Variants in CAMKMT observed in about 807,000 individuals in gnomAD.
CAMKMT encodes the protein CaM KMT.
In CAMKMT, 53 loss-of-function variants were observed where a neutral mutation model predicts 48.0. The observed-to-expected ratio is 1.10, with a 90% CI of 0.89 to 1.39. The LOEUF (loss-of-function observed/expected upper bound fraction) is 1.39, where lower values mean the gene tolerates loss of function less well. CAMKMT is among the 40% of genes most tolerant of loss of function. The pLI, the probability that CAMKMT is intolerant of heterozygous loss-of-function variation, is 0.00. For missense variants in CAMKMT, 428 were observed against 402.7 expected, an observed-to-expected ratio of 1.06 and a Z score of -0.54; for synonymous variants, 165 against 152.3, an observed-to-expected ratio of 1.08 and a Z score of -0.61.
At chr2:44,438,884 T>C (rs967945641) in intron 3 of CAMKMT, among the ~76,000 whole-genome samples, 3 of 152,166 alleles carry the variant, frequency 2.0e-5, no homozygotes, top group African/African-American at 7.2e-5. Flanking sequence ...TCTCCTCTTA[T>C]CTGCCCCTCC....
chr2:44,594,729 T>A (rs1218622184), intron 3 of CAMKMT, among the ~76,000 whole-genome samples: 1 of 152,128 alleles, frequency 6.6e-6, no homozygotes, highest in African/African-American at 2.4e-5. Context: ...ACCTAGGCAA[T>A]GCCATTCAGG....
chr2:44,419,181 G>A (rs926978682), intron 3 of CAMKMT, among the ~76,000 whole-genome samples: 1 of 152,148 alleles, frequency 6.6e-6, no homozygotes, highest in Non-Finnish European at 1.5e-5. Context: ...AGATTCCGTC[G>A]CAGCTAAGGT....
At chr2:44,689,264 T>TTTATTTA in intron 3 of CAMKMT, among the ~76,000 whole-genome samples, 1 of 136,254 alleles carries the variant, frequency 7.3e-6, no homozygotes, top group South Asian at 2.5e-4. Flanking sequence ...CAGCACTATT[T>TTTATTTA]TTTATTTATT....
At chr2:44,586,221 C>A (rs1013450957) in intron 3 of CAMKMT, among the ~76,000 whole-genome samples, 4 of 152,020 alleles carry the variant, frequency 2.6e-5, no homozygotes, top group African/African-American at 9.7e-5. Flanking sequence ...TTCAGGATCA[C>A]TTGGATAGAA....
chr2:44,404,647 C>G (rs1470646754), intron 3 of CAMKMT, among the ~76,000 whole-genome samples: 2 of 152,066 alleles, frequency 1.3e-5, no homozygotes, highest in African/African-American at 4.8e-5. Flanking sequence ...CTAATGCTAG[C>G]TTTTAAAAAT....
intron 3 of CAMKMT, among the ~76,000 whole-genome samples, chr2:44,582,085 C>T (rs1440008276): frequency 2.0e-5 from 3 of 152,188 alleles, no homozygotes; most frequent in African/African-American, 4.8e-5. Flanking sequence ...TTACCATGTC[C>T]TATTTTCCTT....
chr2:44,440,442 C>A (rs1257897357), intron 3 of CAMKMT, among the ~76,000 whole-genome samples: 1 of 152,156 alleles, frequency 6.6e-6, no homozygotes, highest in Non-Finnish European at 1.5e-5. Context: ...CCAGATCCTA[C>A]CTCATAGCAT....
chr2:44,611,393 A>C (rs975602260), intron 3 of CAMKMT, among the ~76,000 whole-genome samples: 1 of 151,948 alleles, frequency 6.6e-6, no homozygotes, highest in Admixed American at 6.6e-5. Flanking sequence ...AGATCGTGCC[A>C]TTGCACTCCA....
intron 3 of CAMKMT, among the ~76,000 whole-genome samples, chr2:44,399,888 T>C (rs1682206218): frequency 6.6e-6 from 1 of 152,204 alleles, no homozygotes; most frequent in Non-Finnish European, 1.5e-5. Flanking sequence ...TTATCATAAT[T>C]ATTAACAATG....
At chr2:44,637,704 C>G (rs1673211158) in intron 3 of CAMKMT, among the ~76,000 whole-genome samples, 2 of 152,054 alleles carry the variant, frequency 1.3e-5, no homozygotes, top group South Asian at 4.2e-4. Context: ...TAATCCTAAA[C>G]CCAGTATGAC....
At chr2:44,679,633 A>C (rs1049227425) in intron 3 of CAMKMT, among the ~76,000 whole-genome samples, 5 of 152,250 alleles carry the variant, frequency 3.3e-5, no homozygotes, top group African/African-American at 1.2e-4. Context: ...TAACGTTAAC[A>C]ATGAGTTGAG....
At chr2:44,425,872 A>G (rs981453760) in intron 3 of CAMKMT, among the ~76,000 whole-genome samples, 6 of 152,090 alleles carry the variant, frequency 3.9e-5, no homozygotes, top group African/African-American at 1.4e-4. Context: ...CTGGGATTAC[A>G]TGCATGTGCC....
At position 44,396,752 on chromosome 2, in the gene CAMKMT, A is replaced by G. The variant is rs111966442; in HGVS notation, c.376+6447A>G. Among the ~76,000 whole-genome samples, 392 of 151,688 alleles carry G rather than the reference A, an allele frequency of 2.6e-3. 1 individual carries two copies. In the Middle Eastern group the frequency reaches 0.027, roughly 11 times the overall value. On this transcript the variant is annotated intron_variant, in intron 3 of 10. Transcript: ENST00000378494. Reference sequence around the variant, plus strand: ...AATGATTACCTTTCTAAAAAAAAAAAAAAGAAAGAAAGAAAGAAAGGAACC... The same window carrying G: ...AATGATTACCTTTCTAAAAAAAAAAGAAAGAAAGAAAGAAAGAAAGGAACC...
At chr2:44,423,878 C>T (rs1335587740) in intron 3 of CAMKMT, among the ~76,000 whole-genome samples, 1 of 152,114 alleles carries the variant, frequency 6.6e-6, no homozygotes, top group East Asian at 1.9e-4. Context: ...CAGTTATTTC[C>T]ATATTTCTTT....
intron 3 of CAMKMT, among the ~76,000 whole-genome samples, chr2:44,690,447 G>T (rs1303430345): frequency 3.3e-5 from 5 of 152,222 alleles, no homozygotes. Flanking sequence ...TTGGGGCACA[G>T]AATGCAGTGA....
chr2:44,446,871 C>T (rs1204771932), intron 3 of CAMKMT, among the ~76,000 whole-genome samples: 3 of 152,208 alleles, frequency 2.0e-5, no homozygotes, highest in African/African-American at 7.2e-5. Flanking sequence ...ATACCTGTGT[C>T]ATTACCTTTG....
At chr2:44,576,849 T>C (rs1462633827) in intron 3 of CAMKMT, among the ~76,000 whole-genome samples, 2 of 152,218 alleles carry the variant, frequency 1.3e-5, no homozygotes, top group Non-Finnish European at 2.9e-5. Context: ...AATAGCCCCA[T>C]GGCTTCAACA....
rs1029167304 is a variant in CAMKMT at position 44,618,434 on chromosome 2, C to G, written c.377-85849C>G. Among the ~76,000 whole-genome samples the G allele has an allele frequency of 2.0e-5, 3 of 152,196 alleles. No individual in the cohort carries two copies. The highest frequency in any genetic ancestry group is 4.4e-5 in the Non-Finnish European group (3 of 68,032). The stretch of plus-strand genomic sequence containing the variant: ...CAGCAGAACCAATTAGATTTTCAAC[C>G]AGTAGACAAGAAGGGTGGCACTTGG... On this transcript the variant is annotated intron_variant, in intron 3 of 10. Transcript: ENST00000378494. This position sits in a 1 kb window ranked among gnomAD's most constrained non-coding sequence, Gnocchi z 4.0.
intron 3 of CAMKMT, among the ~76,000 whole-genome samples, chr2:44,602,207 T>C (rs1042458404): frequency 2.0e-5 from 3 of 151,980 alleles, no homozygotes; most frequent in Non-Finnish European, 2.9e-5. Flanking sequence ...GGTTTCACCA[T>C]GTTGCCCAGT....
Sources: gnomAD v4.1 joint callset for allele counts (sites outside exome capture counted in the v4.1 genomes callset) on GRCh38, gnomAD v4.1.1 for gene constraint, Gnocchi (gnomAD v3.1) non-coding constraint, MANE v1.5 for transcripts, NCBI Gene and HGNC (gene_info 2026-07-23, HGNC 2026-07-21) for gene names.